The following ZBTB16 variants were observed in gnomAD, a reference collection of about 807,000 sequenced individuals.
ZBTB16 encodes the protein zinc finger and BTB domain-containing protein 16.
A neutral mutation model predicts 56.8 loss-of-function variants in ZBTB16; 8 were observed. The ratio of observed to expected loss-of-function variants is 0.14; its 90% CI spans 0.08 to 0.25. ZBTB16 has a LOEUF of 0.25. ZBTB16 is among the 10% of genes least tolerant of loss of function. The pLI is 1.00. For missense variants in ZBTB16, 625 were observed against 903.0 expected (o/e 0.69, Z 3.95); for synonymous variants, 363 against 368.5 (o/e 0.98, Z 0.17).
chr11:114,077,667 A>G (rs1169094906), intron 2 of ZBTB16, among the ~76,000 whole-genome samples: 1 of 152,182 alleles, frequency 6.6e-6, no homozygotes, highest in Admixed American at 6.5e-5. Flanking sequence ...TCAGACGTGA[A>G]GCCGCCACCT....
intron 2 of ZBTB16, among the ~76,000 whole-genome samples, chr11:114,101,296 C>T (rs79869013): frequency 0.085 from 12,963 of 152,082 alleles, 694 homozygotes; most frequent in East Asian, 0.13. Flanking sequence ...TGAGCCACAG[C>T]GCGAGGCCTT....
rs1565651581 is a variant in ZBTB16 at position 114,148,381 on chromosome 11, CTTCCTTCCTCCT to C, written c.1269-7954_1269-7943del. On this transcript the variant is annotated intron_variant, in intron 2 of 6. Coordinates refer to ENST00000335953, the MANE Select transcript of ZBTB16 (RefSeq NM_006006.6). ...CCTTCCTTCCTTCCTTCCTTCCTTCCTTCCTTCCTCCTTCCCTCCCTCCCTCCCTCCCTCCCT... is the reference window on the plus strand; with the variant it reads ...CCTTCCTTCCTTCCTTCCTTCCTTCCTCCCTCCCTCCCTCCCTCCCTCCCT... Among the ~76,000 whole-genome samples the C allele has an allele frequency of 1.2e-3, 165 of 137,508 alleles. 4 individuals are homozygous for C. Among genetic ancestry groups the C allele is most frequent in the African/African-American group, 4.2e-3 (144 of 34,692 alleles). 90.2% of individuals were successfully genotyped at this position (137,508 alleles called of 152,430 possible). A position where few individuals can be genotyped will look rare whatever the true frequency, so the allele number is the denominator to read the frequency against.
At chr11:114,249,411 T>A (rs1190670428) in intron 6 of ZBTB16, among the ~76,000 whole-genome samples, 1 of 132,682 alleles carries the variant, frequency 7.5e-6, no homozygotes, top group African/African-American at 2.9e-5. Context: ...TGAGCTGAGA[T>A]TGCACCACTG....
chr11:114,128,086 C>T lies in ZBTB16; in HGVS notation c.1269-28251C>T, dbSNP rs116691273. Among the ~76,000 whole-genome samples the T allele has an allele frequency of 1.4e-3, 206 of 152,322 alleles. 2 individuals are homozygous for T. The highest frequency in any genetic ancestry group is 4.6e-3 in the African/African-American group (190 of 41,584). ...TGTCTGGATCTAAGCCTTTCTTGCT[C>T]AGTTTGATAGACTTTGGAAAATCTC... On this transcript the variant is annotated intron_variant, in intron 2 of 6. Coordinates refer to ENST00000335953, the MANE Select transcript of ZBTB16 (RefSeq NM_006006.6).
chr11:114,236,234 A>G lies in ZBTB16; in HGVS notation c.1454-5933A>G, dbSNP rs144291633. Among the ~76,000 whole-genome samples, 161 of 152,304 alleles carry G rather than the reference A, an allele frequency of 1.1e-3. 1 individual carries two copies. The South Asian group carries it at 0.013, about 13-fold the overall frequency. On this transcript the variant is annotated intron_variant, in intron 4 of 6. Transcript: ENST00000335953. The stretch of plus-strand genomic sequence containing the variant: ...TTTTAGGATTTACATAATCAAAAAC[A>G]TTTGTCAGTTGCATCATAACAGGGC...
chr11:114,111,748 G>A (rs573517770), intron 2 of ZBTB16, among the ~76,000 whole-genome samples: 14 of 152,194 alleles, frequency 9.2e-5, no homozygotes, highest in South Asian at 8.3e-4. Flanking sequence ...TCTTCTTTCC[G>A]TCTCCCTCTC....
At chr11:114,077,669 C>T (rs534177546) in intron 2 of ZBTB16, among the ~76,000 whole-genome samples, 20 of 152,200 alleles carry the variant, frequency 1.3e-4, no homozygotes, top group Non-Finnish European at 2.5e-4. Flanking sequence ...AGACGTGAAG[C>T]CGCCACCTTG....
intron 3 of ZBTB16, among the ~76,000 whole-genome samples, chr11:114,167,648 C>T (rs1188453627): frequency 1.3e-5 from 2 of 152,098 alleles, no homozygotes; most frequent in African/African-American, 4.8e-5. Context: ...CTTTTCTCCC[C>T]AGCCCCCTCC....
At chr11:114,153,649 T>C (rs1197850576) in intron 2 of ZBTB16, among the ~76,000 whole-genome samples, 1 of 152,198 alleles carries the variant, frequency 6.6e-6, no homozygotes, top group East Asian at 1.9e-4. Flanking sequence ...AGAGGTTTGC[T>C]TGGGCAATCC....
intron 2 of ZBTB16, among the ~76,000 whole-genome samples, chr11:114,115,675 A>T (rs1284617309): frequency 1.3e-5 from 2 of 152,054 alleles, no homozygotes; most frequent in Admixed American, 1.3e-4. Context: ...AGCTGAAGAG[A>T]GGTTGTCTAA....
chr11:114,193,506 C>G (rs1943544713), intron 4 of ZBTB16, among the ~76,000 whole-genome samples: 1 of 152,172 alleles, frequency 6.6e-6, no homozygotes, highest in Non-Finnish European at 1.5e-5. Flanking sequence ...GTGACTCTTT[C>G]CGACATGTGG....
Position 114,244,854 on chromosome 11 carries a change from C to G in ZBTB16, c.1625-2344C>G, listed in dbSNP as rs57579826. 2.6e-5 allele frequency among the ~76,000 whole-genome samples: 4 copies of G among 152,090 alleles called. No individual in the cohort carries two copies. In the South Asian group the frequency reaches 6.2e-4, roughly 24 times the overall value. Reference sequence around the variant, plus strand: ...GGCACAGGCAGCCGCCCCCTTCCCCCCCACCGCCGCCTTCACCCCCACCCG... The same window carrying G: ...GGCACAGGCAGCCGCCCCCTTCCCCGCCACCGCCGCCTTCACCCCCACCCG... On this transcript the variant is annotated intron_variant, in intron 5 of 6. Transcript: ENST00000335953.
chr11:114,209,521 C>T, intron 4 of ZBTB16: 1 of 985,388 alleles, frequency 1.0e-6, no homozygotes, highest in Non-Finnish European at 1.2e-6. Context: ...CATTGTGCTC[C>T]CTCCTGGCCT....
chr11:114,091,495 C>T (rs888132786), intron 2 of ZBTB16, among the ~76,000 whole-genome samples: 1 of 151,854 alleles, frequency 6.6e-6, no homozygotes, highest in Non-Finnish European at 1.5e-5. Flanking sequence ...GACGTCCGAG[C>T]AGCCCCTGGG....
chr11:114,138,644 A>G (rs202056317), intron 2 of ZBTB16, among the ~76,000 whole-genome samples: 1 of 150,326 alleles, frequency 6.7e-6, no homozygotes, highest in Non-Finnish European at 1.5e-5. Flanking sequence ...TTTTGAGTCA[A>G]CTACCACTCT....
chr11:114,210,190 T>TGC (rs1348287902), intron 4 of ZBTB16, among the ~76,000 whole-genome samples: 1,578 of 131,580 alleles, frequency 0.012, 36 homozygotes, highest in African/African-American at 0.039. Flanking sequence ...TGTGTGTGTG[T>TGC]GTGCGTGCGC....
intron 2 of ZBTB16, among the ~76,000 whole-genome samples, chr11:114,104,382 T>C (rs572027858): frequency 5.3e-5 from 8 of 152,178 alleles, no homozygotes; most frequent in Non-Finnish European, 8.8e-5. Flanking sequence ...CAGTCTTCAC[T>C]CCCAGCACCC....
intron 2 of ZBTB16, among the ~76,000 whole-genome samples, chr11:114,084,117 T>C (rs898781767): frequency 9.2e-5 from 14 of 152,230 alleles, no homozygotes; most frequent in Non-Finnish European, 4.4e-5. Flanking sequence ...CATTGCATGC[T>C]CTCAGGTTAT....
At chr11:114,233,103 ACACACACACACACACACACACACTCTCT>A (rs1944488031) in intron 4 of ZBTB16, among the ~76,000 whole-genome samples, 6 of 42,018 alleles carry the variant, frequency 1.4e-4, no homozygotes, top group East Asian at 2.4e-3. Context: ...ACACACACAC[ACACACACACACACACACACACACTCTCT>A]CTCTCTCACA....
Sources: allele counts gnomAD v4.1 joint callset (sites outside exome capture counted in the v4.1 genomes callset), GRCh38; gene constraint gnomAD v4.1.1; transcripts MANE v1.5; gene names NCBI Gene and HGNC (gene_info 2026-07-23, HGNC 2026-07-21).